Variants in DMD observed in about 807,000 individuals in gnomAD.
DMD encodes the protein mutant dystrophin.
In DMD, 63 loss-of-function variants were observed where a neutral mutation model predicts 330.1. The ratio of observed to expected loss-of-function variants is 0.19; its 90% CI spans 0.16 to 0.24. The LOEUF is 0.24. Among genes scored for constraint, DMD ranks in the 10% least tolerant of loss-of-function variants. DMD has a pLI of 1.00. For synonymous variants in DMD, 1,223 were observed against 959.8 expected, an observed-to-expected ratio of 1.27 and a Z score of -5.07; for missense variants, 3,344 against 2,684.1, an observed-to-expected ratio of 1.25 and a Z score of -5.43.
At chrX:31,907,276 T>A (rs1233584578) in intron 47 of DMD, among the ~76,000 whole-genome samples, 2 of 111,725 alleles carry the variant, frequency 1.8e-5, no homozygotes, top group East Asian at 5.7e-4. Context: ...AACAACTGAA[T>A]CTTAATACTC....
chrX:32,586,727 C>T (rs2054330702), intron 13 of DMD, among the ~76,000 whole-genome samples: 1 of 110,826 alleles, frequency 9.0e-6, no homozygotes, highest in South Asian at 3.8e-4. Context: ...TGGGAGAAAT[C>T]TCAGGTTGAG....
At chrX:31,729,029 C>T (rs1252808839) in intron 52 of DMD, among the ~76,000 whole-genome samples, 2 of 111,453 alleles carry the variant, frequency 1.8e-5, no homozygotes. Flanking sequence ...ACAATCACTG[C>T]GAATCACTCT....
intron 9 of DMD, among the ~76,000 whole-genome samples, chrX:32,696,265 T>C (rs191718808): frequency 8.9e-6 from 1 of 111,890 alleles, no homozygotes; most frequent in Non-Finnish European, 1.9e-5. Context: ...TTGAAATAAA[T>C]GTTCTTAGTG....
chrX:32,674,379 G>A (rs1167017445), intron 9 of DMD, among the ~76,000 whole-genome samples: 2 of 111,357 alleles, frequency 1.8e-5, no homozygotes, highest in Non-Finnish European at 3.8e-5. Context: ...CTCTTTTTGA[G>A]GAGTCTGAGC....
At chrX:32,484,381 C>A (rs752438584) in intron 21 of DMD, among the ~76,000 whole-genome samples, 12 of 112,103 alleles carry the variant, frequency 1.1e-4, no homozygotes, top group Non-Finnish European at 2.3e-4. Flanking sequence ...TGCATAATTG[C>A]TCCACTTTTA....
intron 53 of DMD, among the ~76,000 whole-genome samples, chrX:31,671,067 C>T (rs1458733049): frequency 1.8e-5 from 2 of 111,443 alleles, no homozygotes; most frequent in South Asian, 7.5e-4. Context: ...CGCCCGCCAC[C>T]GTGCCCAGCT....
At chrX:31,175,280 C>G (rs1388546957) in intron 71 of DMD, among the ~76,000 whole-genome samples, 1 of 110,631 alleles carries the variant, frequency 9.0e-6, no homozygotes, top group East Asian at 2.8e-4. Flanking sequence ...GAAGTGTGTA[C>G]AAGAATGAAA....
At position 33,026,880 on chromosome X, in the gene DMD, T is replaced by C. The variant is rs150329549; in HGVS notation, c.32-6680A>G. Among the ~76,000 whole-genome samples the C allele has an allele frequency of 6.7e-4, 75 of 112,298 alleles. No individual in the cohort carries two copies. In the East Asian group the frequency reaches 0.02, roughly 30 times the overall value. ...TTTCTCATTTCCAAGAGAGTGACTG[T>C]CTGGATCAGAGCTGTAATCCCAGCA... On this transcript the variant is annotated intron_variant, in intron 1 of 78. Transcript: ENST00000357033.
At chrX:31,812,032 T>A (rs753557929) in intron 50 of DMD, among the ~76,000 whole-genome samples, 1 of 106,183 alleles carries the variant, frequency 9.4e-6, no homozygotes, top group African/African-American at 3.4e-5. Flanking sequence ...ATTGTCACAA[T>A]AAATTAACCA....
chrX:32,322,698 A>G (rs1194597524), intron 41 of DMD, among the ~76,000 whole-genome samples: 5 of 112,069 alleles, frequency 4.5e-5, no homozygotes, highest in African/African-American at 9.7e-5. Context: ...GAGAAAGAAA[A>G]AAGGTTAAAT....
intron 61 of DMD, among the ~76,000 whole-genome samples, chrX:31,335,783 T>C (rs1042222011): frequency 5.3e-5 from 6 of 112,325 alleles, no homozygotes; most frequent in African/African-American, 1.9e-4. Flanking sequence ...GTCAATTTCA[T>C]TGCCCCCTCA....
chrX:31,126,460 T>A (rs990617163), intron 78 of DMD, among the ~76,000 whole-genome samples, 182 bp downstream of exon 78: 2 of 111,831 alleles, frequency 1.8e-5, no homozygotes, highest in Non-Finnish European at 3.8e-5. Flanking sequence ...ACAACGGCAA[T>A]GAACATTTGA....
At chrX:32,820,122 T>A (rs1468899523) in intron 5 of DMD, among the ~76,000 whole-genome samples, 1 of 112,120 alleles carries the variant, frequency 8.9e-6, no homozygotes, top group East Asian at 2.8e-4. Flanking sequence ...TATTCCTCAT[T>A]GCAAAAGCGC....
At position 32,444,220 on chromosome X, in the gene DMD, A is replaced by C. The variant is rs186322551; in HGVS notation, c.3787-2906T>G. Reference sequence around the variant, plus strand: ...ATTGGAATATTATGATTTAGCAAGGAAACTATTGTTGGGGGATTTTGGGCT... The same window carrying C: ...ATTGGAATATTATGATTTAGCAAGGCAACTATTGTTGGGGGATTTTGGGCT... On this transcript the variant is annotated intron_variant, in intron 27 of 78. Transcript: ENST00000357033. 2.9e-3 allele frequency among the ~76,000 whole-genome samples: 323 copies of C among 110,626 alleles called. 1 individual carries two copies. Among genetic ancestry groups the C allele is most frequent in the African/African-American group, 9.7e-3 (297 of 30,582 alleles).
intron 2 of DMD, among the ~76,000 whole-genome samples, chrX:32,855,766 C>A (rs1257220238): frequency 9.0e-6 from 1 of 111,569 alleles, no homozygotes; most frequent in African/African-American, 3.3e-5. Flanking sequence ...GCAAATATTT[C>A]TTGAGCAATA....
intron 30 of DMD, among the ~76,000 whole-genome samples, chrX:32,401,767 C>T (rs2098087576): frequency 8.9e-6 from 1 of 112,571 alleles, no homozygotes; most frequent in Non-Finnish European, 1.9e-5. Flanking sequence ...ATAGACACCC[C>T]ATTTACCCTG....
rs754852895 is a variant in DMD, at chrX:32,779,801, T to C, written c.649+29692A>G. ...AGCTAATGGGTGCAGCACACCAACA[T>C]GGCACATGTATACATATGTAACAAA... On this transcript the variant is annotated intron_variant, in intron 7 of 78. Transcript: ENST00000357033. Among the ~76,000 whole-genome samples, 9 of 108,053 alleles carry C rather than the reference T, an allele frequency of 8.3e-5. No individual in the cohort carries two copies. In the East Asian group the frequency reaches 2.6e-3, roughly 31 times the overall value. The allele number at this position is 108,053 out of a possible 115,157, so 93.8% of individuals were successfully genotyped here.
At chrX:31,421,955 A>G (rs1272860754) in intron 60 of DMD, among the ~76,000 whole-genome samples, 1 of 71,603 alleles carries the variant, frequency 1.4e-5, no homozygotes, top group Non-Finnish European at 2.2e-5. Flanking sequence ...ATATATATAT[A>G]TATACACATA....
At chrX:32,322,525 G>A (rs551657659) in intron 41 of DMD, among the ~76,000 whole-genome samples, 2 of 110,047 alleles carry the variant, frequency 1.8e-5, no homozygotes, top group East Asian at 2.9e-4. Context: ...ATTGCATCGC[G>A]GCACTCCAGC....
Sources: allele counts gnomAD v4.1 joint callset (sites outside exome capture counted in the v4.1 genomes callset), GRCh38; gene constraint gnomAD v4.1.1; transcripts MANE v1.5; gene names NCBI Gene and HGNC (gene_info 2026-07-23, HGNC 2026-07-21).